ANXA5: variants seen among roughly 807,000 people sequenced by gnomAD.
ANXA5 encodes CBP-I.
In ANXA5, 40 loss-of-function variants were observed where a neutral mutation model predicts 48.1. The observed-to-expected ratio is 0.83, with a 90% CI of 0.65 to 1.08. The LOEUF (loss-of-function observed/expected upper bound fraction) is 1.08, where lower values mean the gene tolerates loss of function less well. Among genes scored for constraint, ANXA5 ranks in the 50% least tolerant of loss-of-function variants. The pLI is 0.00. For missense variants in ANXA5, 357 were observed against 376.8 expected (o/e 0.95, Z 0.44); for synonymous variants, 113 against 129.1 (o/e 0.88, Z 0.85).
chr4:121,678,225 T>C, intron 7 of ANXA5, 190 bp downstream of exon 7: 1 of 613,854 alleles, frequency 1.6e-6, no homozygotes, highest in Non-Finnish European at 2.9e-6. Context: ...ATGAGTTAGC[T>C]GTTAAGAATT....
At chr4:121,680,536 T>C (rs954264731) in intron 6 of ANXA5, among the ~76,000 whole-genome samples, 2 of 152,214 alleles carry the variant, frequency 1.3e-5, no homozygotes, top group Admixed American at 6.5e-5. Flanking sequence ...CACAAACTGC[T>C]TGAGGACAGG....
In ANXA5 at chr4:121,683,401, C is replaced by T. The variant is rs760534388; in HGVS notation, c.266G>A (p.Arg89Gln). 10 of 1,608,756 alleles carry T rather than the reference C, an allele frequency of 6.2e-6. No individual in the cohort carries two copies. In the East Asian group the frequency reaches 1.3e-4, roughly 22 times the overall value. The change falls in exon 5 of 13, where the codon CGG becomes CAG. Residue 89 changes from arginine to glutamine, a missense_variant. Physicochemically the swap from Arg to Gln is conservative, Grantham distance 43 (BLOSUM62 1). Transcript: ENST00000296511. Reference protein sequence around the residue: ...KLIVALMKPSRLYDAYELKHA... With the variant: ...KLIVALMKPSQLYDAYELKHA... Reference sequence around the variant, plus strand: ...TTTCAGTTCATAAGCATCATAAAGCCGAGAGGGTTTCATCAGAGCCACAAT... The same window carrying T: ...TTTCAGTTCATAAGCATCATAAAGCTGAGAGGGTTTCATCAGAGCCACAAT...
intron 2 of ANXA5, 27 bp from the exon 3 acceptor site, chr4:121,686,399 T>G: frequency 2.0e-6 from 3 of 1,527,550 alleles, no homozygotes; most frequent in Non-Finnish European, 2.7e-6. Context: ...AGTGGTATTA[T>G]TCATATCATG....
intron 4 of ANXA5, 27 bp downstream of exon 4, chr4:121,684,650 C>T (rs761746776): frequency 5.0e-6 from 8 of 1,585,080 alleles, no homozygotes; most frequent in Non-Finnish European, 6.9e-6. Flanking sequence ...TTCTCCCATT[C>T]TCTCTTGGGA....
At chr4:121,683,710 T>C (rs1724830884) in intron 4 of ANXA5, among the ~76,000 whole-genome samples, 1 of 152,132 alleles carries the variant, frequency 6.6e-6, no homozygotes, top group Non-Finnish European at 1.5e-5. Flanking sequence ...TTCTAAAAGA[T>C]GTTTTTCTTA....
intron 6 of ANXA5, among the ~76,000 whole-genome samples, chr4:121,680,770 C>T (rs1406424166): frequency 4.6e-5 from 7 of 152,156 alleles, no homozygotes; most frequent in African/African-American, 1.7e-4. Flanking sequence ...AGTTGAGATA[C>T]ATGTATCACT....
chr4:121,696,959 A>T lies in ANXA5; in HGVS notation c.-132T>A. The T allele has an allele frequency of 5.3e-6, 1 of 187,786 alleles. No homozygotes were observed. The highest frequency in any genetic ancestry group is 1.1e-5 in the Non-Finnish European group (1 of 91,544). The allele number at this position is 187,786 out of a possible 1,614,324, so 11.6% of individuals were successfully genotyped here. On this transcript the variant is annotated 5_prime_UTR_variant, in exon 1 of 13. Coordinates refer to ENST00000296511, the MANE Select transcript of ANXA5 (RefSeq NM_001154.4). ...GACGCCGAGATGCAGACGCTGAAGG[A>T]TCCGGCAGCTGCACCTAGACTGATC...
chr4:121,696,322 G>A (rs529233462), intron 2 of ANXA5, among the ~76,000 whole-genome samples: 2 of 152,192 alleles, frequency 1.3e-5, no homozygotes, highest in East Asian at 1.9e-4. Context: ...CACAAATCCG[G>A]CCACGTCACC....
Position 121,668,019 on chromosome 4 carries a change from T to C in ANXA5, c.*449A>G, listed in dbSNP as rs1032453491. 6.5e-6 allele frequency: 1 copy of C among 153,444 alleles called. No individual in the cohort carries two copies. Among genetic ancestry groups the C allele is most frequent in the African/African-American group, 2.4e-5 (1 of 41,472 alleles). The allele number at this position is 153,444 out of a possible 1,614,324, so 9.5% of individuals were successfully genotyped here. On this transcript the variant is annotated 3_prime_UTR_variant, in exon 13 of 13. Coordinates refer to ENST00000296511, the MANE Select transcript of ANXA5 (RefSeq NM_001154.4). ...TAATTCAGGGGGACAGAAATGTTTA[T>C]TTTTCATTAATCTTTTGAATACAAT...
At chr4:121,669,847 A>G in intron 11 of ANXA5, 107 bp downstream of exon 11, 14 of 1,456,162 alleles carry the variant, frequency 9.6e-6, no homozygotes, top group Non-Finnish European at 1.3e-5. Flanking sequence ...GTTGAATGTT[A>G]TAAGGGAAAA....
intron 1 of ANXA5, 94 bp from the exon 2 acceptor site, chr4:121,696,718 A>C: frequency 1.2e-6 from 1 of 823,582 alleles, no homozygotes; most frequent in Non-Finnish European, 1.7e-6. Context: ...GCGCTCAGAC[A>C]GCCCGGAGGG....
In ANXA5 at chr4:121,678,431, A is replaced by C; in HGVS notation, c.458T>G (p.Leu153Trp). 3 of 1,613,606 alleles carry C rather than the reference A, an allele frequency of 1.9e-6. No individual in the cohort carries two copies. The highest frequency in any genetic ancestry group is 2.5e-6 in the Non-Finnish European group (3 of 1,179,786). ...GDTSGYYQRM[L>W]VVLLQANRDP... Reference sequence around the variant, plus strand: ...ACGCAATACCTGAAGGAGAACCACCAACATCCGCTGGTAGTACCCTGAAGT... The same window carrying C: ...ACGCAATACCTGAAGGAGAACCACCCACATCCGCTGGTAGTACCCTGAAGT... The change falls in exon 7 of 13, where the codon TTG becomes TGG. Residue 153 changes from leucine to tryptophan, a missense_variant. Leu to Trp is a moderately conservative substitution (Grantham distance 61). Transcript: ENST00000296511.
rs1381282838 is a variant in ANXA5, at chr4:121,696,915, G to A, written c.-88C>T. On this transcript the variant is annotated 5_prime_UTR_variant, in exon 1 of 13. Transcript: ENST00000296511. ...AACCCCGGGAGAGCGGCGGAGAGCC[G>A]GGCGACGGTACGCGGGGCGACGCCG... 1.1e-5 allele frequency: 3 copies of A among 262,316 alleles called. No homozygotes were observed. The highest frequency in any genetic ancestry group is 2.2e-5 in the Non-Finnish European group (3 of 139,492). 16.2% of individuals were successfully genotyped at this position (262,316 alleles called of 1,614,324 possible). A position where few individuals can be genotyped will look rare whatever the true frequency, so the allele number is the denominator to read the frequency against.
In ANXA5 at chr4:121,684,691, T is replaced by A; in HGVS notation, c.175A>T (p.Thr59Ser). The A allele has an allele frequency of 1.2e-6, 2 of 1,613,734 alleles. No individual in the cohort carries two copies. The highest frequency in any genetic ancestry group is 2.2e-5 in the East Asian group (1 of 44,876). Reference sequence around the variant, plus strand: ...TGTGGTCTTACCCTGCCAAACAGAGTCTTAAAAGCTGCAGAGATTTCCTGG... The same window carrying A: ...TGTGGTCTTACCCTGCCAAACAGAGACTTAAAAGCTGCAGAGATTTCCTGG... The part of the protein sequence containing the change: ...QRQEISAAFK[T>S]LFGRDLLDDL... The change falls in exon 4 of 13, where the codon ACT becomes TCT. Residue 59 changes from threonine to serine, a missense_variant. Physicochemically the swap from Thr to Ser is moderately conservative, Grantham distance 58. Coordinates refer to ENST00000296511, the MANE Select transcript of ANXA5 (RefSeq NM_001154.4).
chr4:121,682,413 C>G (rs549045973), intron 5 of ANXA5, among the ~76,000 whole-genome samples: 1 of 152,116 alleles, frequency 6.6e-6, no homozygotes, highest in African/African-American at 2.4e-5. Context: ...AACGATATAG[C>G]TGGACTTAAT....
At chr4:121,685,556 A>G (rs1408108891) in intron 3 of ANXA5, among the ~76,000 whole-genome samples, 3 of 152,202 alleles carry the variant, frequency 2.0e-5, no homozygotes, top group Admixed American at 2.0e-4. Context: ...AACACATTAA[A>G]CAGTAATGGG....
chr4:121,669,716 C>T lies in ANXA5; in HGVS notation c.789G>A (p.Gly263=), dbSNP rs750613571. ...CTCTGATGAGGGTATGATCATCTGT[C>T]CCAGCTCCCTTTAAAAAAAAAAAAA... The part of the protein sequence containing the change: ...ETLYYAMKGA[G]TDDHTLIRVM... The change falls in exon 12 of 13, where the codon GGG becomes GGA. Residue 263 remains glycine, a synonymous_variant. Transcript: ENST00000296511. 4.4e-6 allele frequency: 7 copies of T among 1,573,894 alleles called. No homozygotes were observed.
Position 121,669,728 on chromosome 4 carries a change from T to TAA in ANXA5, c.781-6_781-5dup, listed in dbSNP as rs71599153. The TAA allele has an allele frequency of 4.9e-3, 7,363 of 1,496,444 alleles. No individual in the cohort carries two copies. Among genetic ancestry groups the TAA allele is most frequent in the South Asian group, 0.011 (854 of 78,746 alleles). The allele number at this position is 1,496,444 out of a possible 1,614,324, so 92.7% of individuals were successfully genotyped here. On this transcript the variant is annotated splice_region_variant and splice_polypyrimidine_tract_variant and intron_variant, in intron 11 of 12. Transcript: ENST00000296511. ...TATGATCATCTGTCCCAGCTCCCTT[T>TAA]AAAAAAAAAAAAAAAGAGAGAAGCA...
chr4:121,669,416 T>C, intron 12 of ANXA5, 186 bp downstream of exon 12: 1 of 705,832 alleles, frequency 1.4e-6, no homozygotes, highest in Non-Finnish European at 2.4e-6. Flanking sequence ...ATACCCATGC[T>C]TTCACTTGGG....
Sources: allele counts gnomAD v4.1 joint callset (sites outside exome capture counted in the v4.1 genomes callset), GRCh38; gene constraint gnomAD v4.1.1; transcripts MANE v1.5; gene names NCBI Gene and HGNC (gene_info 2026-07-23, HGNC 2026-07-21).